The following SPON2 variants were observed in gnomAD, a reference collection of about 807,000 sequenced individuals.
SPON2 encodes the protein spondin-2.
SPON2 carries 32 observed loss-of-function variants against 29.9 expected under a neutral mutation model. The observed-to-expected ratio is 1.07, with a 90% CI of 0.81 to 1.44. The LOEUF (loss-of-function observed/expected upper bound fraction) is 1.44. Among genes scored for constraint, SPON2 ranks in the 40% most tolerant of loss-of-function variants. SPON2 has a pLI of 0.00. For synonymous variants in SPON2, 248 were observed against 209.1 expected (o/e 1.19, Z -1.61); for missense variants, 541 against 455.5 (o/e 1.19, Z -1.71).
Position 1,170,672 on chromosome 4 carries a change from T to A in SPON2, c.637-96A>T. 2.2e-6 allele frequency: 3 copies of A among 1,394,526 alleles called. No individual in the cohort carries two copies. The South Asian group carries it at 3.7e-5, about 17-fold the overall frequency. The allele number at this position is 1,394,526 out of a possible 1,614,324, so 86.4% of individuals were successfully genotyped here. ...TGGGGCCACTGCCCAGCGTCCAGCG[T>A]GCCCTCTGCACCACTGTTGGGGACA... On this transcript the variant is annotated intron_variant, in intron 4 of 5. Transcript: ENST00000290902.
chr4:1,171,425 C>G lies in SPON2; in HGVS notation c.282G>C (p.Leu94=). ...CCTCGCCGCGCTCCGCAAAGTCGCG[C>G]AGCCCGTTACTGACGTACTGGTTCT... ...WRKNQYVSNG[L]RDFAERGEAW... is the part of the protein sequence containing the mutation. Residue 94 remains leucine (L), a synonymous_variant, in exon 3 of 6, where the codon CTG becomes CTC. Transcript: ENST00000290902. 1 of 1,612,332 alleles carries G rather than the reference C, an allele frequency of 6.2e-7. No individual in the cohort carries two copies.
intron 1 of SPON2, among the ~76,000 whole-genome samples, chr4:1,189,248 C>T (rs1165735049): frequency 1.3e-5 from 2 of 151,764 alleles, no homozygotes; most frequent in Non-Finnish European, 2.9e-5. Flanking sequence ...AATCAATAAC[C>T]CAACCTTCCA....
chr4:1,168,789 C>T (rs560824738), intron 5 of SPON2, among the ~76,000 whole-genome samples: 1 of 152,358 alleles, frequency 6.6e-6, no homozygotes, highest in East Asian at 1.9e-4. Flanking sequence ...TGCTGCAGAG[C>T]CCTGTCAGGA....
intron 1 of SPON2, 174 bp downstream of exon 1, chr4:1,172,370 C>G: frequency 1.9e-6 from 1 of 523,414 alleles, no homozygotes; most frequent in Non-Finnish European, 3.4e-6. Context: ...ATGCCTTCGC[C>G]GTCGCAGGGA....
chr4:1,170,805 C>T, intron 4 of SPON2, 194 bp downstream of exon 4: 1 of 977,990 alleles, frequency 1.0e-6, no homozygotes. Flanking sequence ...CCCTGCGGTG[C>T]TGTGACCCCG....
rs1400823125 is a variant in SPON2, at chr4:1,171,111, C to T, written c.524G>A (p.Arg175His). 3 of 1,551,194 alleles carry T rather than the reference C, an allele frequency of 1.9e-6. No individual in the cohort carries two copies. The highest frequency in any genetic ancestry group is 2.7e-5 in the African/African-American group (2 of 73,126). Residue 175 changes from arginine to histidine, a missense_variant, in exon 4 of 6, where the codon CGT becomes CAT. Arg to His is a conservative substitution (Grantham distance 29). Transcript: ENST00000290902. ...GTCCAGCGCCGCCTGTTCCCGCCAA[C>T]GGTCCCCGTCGCACAGGTCCAGGCT... ...VDSLDLCDGD[R>H]WREQAALDLY...
chr4:1,203,222 G>GC (rs1728258110), intron 1 of SPON2, among the ~76,000 whole-genome samples: 1 of 152,198 alleles, frequency 6.6e-6, no homozygotes, highest in Non-Finnish European at 1.5e-5. Flanking sequence ...TGTTACAGCA[G>GC]CGGGGATGGA....
At chr4:1,191,661 C>G (rs530108370) in intron 1 of SPON2, among the ~76,000 whole-genome samples, 1 of 152,296 alleles carries the variant, frequency 6.6e-6, no homozygotes, top group African/African-American at 2.4e-5. Context: ...GAACTCAGCA[C>G]TGAAATCCAC....
chr4:1,173,140 C>CTG (rs1315880555), upstream of SPON2: 1 of 152,162 alleles, frequency 6.6e-6, no homozygotes, highest in Non-Finnish European at 1.5e-5. Context: ...CTGGAGAGCC[C>CTG]TGTGCGTGGC....
At chr4:1,195,363 C>T (rs1227948978), upstream of SPON2, among the ~76,000 whole-genome samples, 3 of 152,148 alleles carry the variant, frequency 2.0e-5, no homozygotes, top group Non-Finnish European at 2.9e-5. Context: ...CCCCCTGGCC[C>T]GTCGGTGGGC....
intron 2 of SPON2, among the ~76,000 whole-genome samples, chr4:1,179,163 G>A (rs1461944080): frequency 1.3e-5 from 2 of 151,404 alleles, no homozygotes; most frequent in Non-Finnish European, 3.0e-5. Flanking sequence ...CTGACGCTGA[G>A]TGGGGACCTT....
rs1291381084 is a variant in SPON2, at chr4:1,167,485, T to A, written c.983A>T (p.Asp328Val). The A allele has an allele frequency of 6.2e-7, 1 of 1,613,330 alleles. No homozygotes were observed. Reference sequence around the variant, plus strand: ...GGGGCTCTGGTCTTAGACGCAGTTATCAGGGACGCACTCAGCCTCTTCTTC... The same window carrying A: ...GGGGCTCTGGTCTTAGACGCAGTTAACAGGGACGCACTCAGCCTCTTCTTC... ...ELEEEAECVPDNCV is the reference protein window; with the variant it reads ...ELEEEAECVPVNCV The change falls in exon 6 of 6, where the codon GAT (aspartate) becomes GTT (valine). Residue 328 changes from aspartate (D) to valine (V), a missense_variant. Asp to Val is a radical substitution (Grantham distance 152, BLOSUM62 -3). Transcript: ENST00000290902.
chr4:1,208,402 G>C (rs1728400539), upstream of SPON2: 1 of 152,320 alleles, frequency 6.6e-6, no homozygotes, highest in South Asian at 2.1e-4. Context: ...CAAGGCCCCC[G>C]GAGCTGCCTG....
rs564741931 is a variant in SPON2 at position 1,189,110 on chromosome 4, G to A, written c.-239+5880C>T. 3.3e-5 allele frequency among the ~76,000 whole-genome samples: 5 copies of A among 152,146 alleles called. 1 individual carries two copies. The South Asian group carries it at 1.0e-3, about 32-fold the overall frequency. ...ATAGGGCAAAGAAGCATTCACAAGA[G>A]AATTTAGAAGATAGTTTGAGATAAA... On this transcript the variant is annotated intron_variant, in intron 1 of 3. Coordinates refer to the SPON2 transcript ENST00000502483.
intron 1 of SPON2, chr4:1,194,980 G>A (rs1728020108): frequency 6.8e-6 from 1 of 147,048 alleles, no homozygotes; most frequent in Non-Finnish European, 1.5e-5. Flanking sequence ...CCCGCAGCCG[G>A]CGGCCTCACC....
intron 1 of SPON2, among the ~76,000 whole-genome samples, chr4:1,192,779 C>T (rs991384701): frequency 2.0e-5 from 3 of 152,194 alleles, no homozygotes; most frequent in African/African-American, 7.2e-5. Flanking sequence ...CCCACATACA[C>T]CCCAGGGAGA....
At chr4:1,197,241 C>T (rs531814018), upstream of SPON2, 12 of 152,316 alleles carry the variant, frequency 7.9e-5, 1 homozygote, top group East Asian at 1.9e-3. Flanking sequence ...AGCTTCCAAA[C>T]GTTCCGACTT....
rs547149030 is a variant in SPON2, at chr4:1,186,449, G to A, written c.-238-6908C>T. 1.3e-4 allele frequency among the ~76,000 whole-genome samples: 20 copies of A among 152,058 alleles called. 1 individual carries two copies. Among genetic ancestry groups the A allele is most frequent in the South Asian group, 6.2e-4 (3 of 4,812 alleles). On this transcript the variant is annotated intron_variant, in intron 1 of 3. Transcript: ENST00000502483. ...CTCCCAAGTAGCTGGGATTGCAGGC[G>A]CATGCTGCCGTGCCCGGCTAATTTT...
intron 1 of SPON2, among the ~76,000 whole-genome samples, chr4:1,188,447 C>T (rs181569558): frequency 2.0e-5 from 3 of 152,194 alleles, no homozygotes; most frequent in East Asian, 1.9e-4. Context: ...CTTTTAAGAA[C>T]CATGATTCAA....
Sources: gnomAD v4.1 joint callset for allele counts (sites outside exome capture counted in the v4.1 genomes callset) on GRCh38, gnomAD v4.1.1 for gene constraint, MANE v1.5 for transcripts, NCBI Gene and HGNC (gene_info 2026-07-23, HGNC 2026-07-21) for gene names.